Variants in SHPRH observed in about 807,000 individuals in gnomAD.
SHPRH encodes E3 ubiquitin-protein ligase SHPRH.
SHPRH carries 106 observed loss-of-function variants against 202.5 expected under a neutral mutation model. The ratio of observed to expected loss-of-function variants is 0.52; its 90% CI spans 0.45 to 0.62. SHPRH has a LOEUF of 0.62. Among genes scored for constraint, SHPRH ranks in the 20% least tolerant of loss-of-function variants. SHPRH has a pLI of 0.00. For missense variants in SHPRH, 1,710 were observed against 2,020.0 expected (o/e 0.85, Z 2.94); for synonymous variants, 729 against 686.0 (o/e 1.06, Z -0.98).
chr6:145,932,420 C>T (rs1346065931), intron 14 of SHPRH, among the ~76,000 whole-genome samples: 1 of 152,168 alleles, frequency 6.6e-6, no homozygotes, highest in African/African-American at 2.4e-5. Flanking sequence ...GCCACTAATA[C>T]TCTTCCATGT....
intron 19 of SHPRH, 37 bp from the exon 20 acceptor site, chr6:145,922,385 A>G: frequency 6.5e-7 from 1 of 1,540,926 alleles, no homozygotes; most frequent in Non-Finnish European, 8.7e-7. Flanking sequence ...ATTCACAAAC[A>G]TAACCAGCAA....
intron 26 of SHPRH, 146 bp from the exon 27 acceptor site, chr6:145,894,382 C>A: frequency 4.3e-6 from 2 of 468,966 alleles, no homozygotes; most frequent in Non-Finnish European, 7.3e-6. Context: ...TAGTACCATC[C>A]ATATTATTTA....
In SHPRH at chr6:145,948,260, A is replaced by G. The variant is rs1787601626; in HGVS notation, c.1061+12T>C. Reference sequence around the variant, plus strand: ...TTTTTAAATCAAGCATATAAGTAAAATTTTGCCTTACCAGCCTGTATATGG... The same window carrying G: ...TTTTTAAATCAAGCATATAAGTAAAGTTTTGCCTTACCAGCCTGTATATGG... On this transcript the variant is annotated intron_variant, in intron 5 of 29. Coordinates refer to ENST00000275233, the MANE Select transcript of SHPRH (RefSeq NM_001042683.3). The G allele has an allele frequency of 6.4e-7, 1 of 1,554,694 alleles. No individual in the cohort carries two copies. The highest frequency in any genetic ancestry group is 8.7e-7 in the Non-Finnish European group (1 of 1,152,350).
rs1469706382 is a variant in SHPRH at position 145,945,497 on chromosome 6, T to G, written c.1462A>C (p.Lys488Gln). The change falls in exon 8 of 30, where the codon AAA becomes CAA. Residue 488 changes from lysine (K) to glutamine (Q), a missense_variant. Physicochemically the swap from Lys to Gln is moderately conservative, Grantham distance 53 (BLOSUM62 1). Coordinates refer to ENST00000275233, the MANE Select transcript of SHPRH (RefSeq NM_001042683.3). Reference sequence around the variant, plus strand: ...ACGAGACCTTCAAAAATTAAACATTTCAGCATCCGTTTCAAAAGACTCCTG... The same window carrying G: ...ACGAGACCTTCAAAAATTAAACATTGCAGCATCCGTTTCAAAAGACTCCTG... ...RNRSLLKRML[K>Q]CLIFEGLVKQ... is the part of the protein sequence containing the mutation. The G allele has an allele frequency of 3.1e-6, 5 of 1,613,228 alleles. No homozygotes were observed.
chr6:145,958,209 T>C (rs1788702330), intron 1 of SHPRH, among the ~76,000 whole-genome samples: 2 of 152,122 alleles, frequency 1.3e-5, no homozygotes, highest in African/African-American at 2.4e-5. Context: ...GGCTTTGGGG[T>C]GACATAAATG....
chr6:145,916,200 A>T (rs1219525776), intron 23 of SHPRH, among the ~76,000 whole-genome samples: 1 of 152,076 alleles, frequency 6.6e-6, no homozygotes, highest in Non-Finnish European at 1.5e-5. Flanking sequence ...TATAGATTCC[A>T]GTTCATCTTA....
chr6:145,878,198 C>T (rs976936474), intron 2 of SHPRH, among the ~76,000 whole-genome samples: 5 of 152,304 alleles, frequency 3.3e-5, no homozygotes, highest in Non-Finnish European at 5.9e-5. Context: ...GCAGAAAGTA[C>T]ACAGAGTTCT....
In SHPRH at chr6:145,922,014, A is replaced by C. The variant is rs982090857; in HGVS notation, c.3782+272T>G. On this transcript the variant is annotated intron_variant, in intron 20 of 29. Transcript: ENST00000275233. ...AGCAAAATCTGTATAATTCAAATCC[A>C]CTGGATTCTAGAGTCTGGGATTTTA... Among the ~76,000 whole-genome samples, 4 of 152,158 alleles carry C rather than the reference A, an allele frequency of 2.6e-5. No individual in the cohort carries two copies. The South Asian group carries it at 8.3e-4, about 32-fold the overall frequency.
At chr6:145,939,644 C>A (rs1002684631) in intron 11 of SHPRH, among the ~76,000 whole-genome samples, 8 of 152,158 alleles carry the variant, frequency 5.3e-5, no homozygotes, top group African/African-American at 1.9e-4. Flanking sequence ...TAAACATTTA[C>A]AATTTCGACA....
intron 20 of SHPRH, among the ~76,000 whole-genome samples, chr6:145,922,081 C>T (rs1041215817): frequency 2.0e-5 from 3 of 151,958 alleles, no homozygotes; most frequent in African/African-American, 7.2e-5. Flanking sequence ...TATATTACTA[C>T]ACTATGAACA....
chr6:145,912,460 T>A (rs1251156316), intron 24 of SHPRH, among the ~76,000 whole-genome samples: 1 of 152,094 alleles, frequency 6.6e-6, no homozygotes, highest in Non-Finnish European at 1.5e-5. Flanking sequence ...TCTGAGACAG[T>A]CCAGTTGTAT....
At chr6:145,938,031 C>G (rs186326567) in intron 11 of SHPRH, among the ~76,000 whole-genome samples, 1 of 152,242 alleles carries the variant, frequency 6.6e-6, no homozygotes, top group African/African-American at 2.4e-5. Context: ...GCTGTAAGCT[C>G]AATAGATAAG....
chr6:145,875,268 G>A (rs1046161157), intron 2 of SHPRH, among the ~76,000 whole-genome samples: 1 of 152,194 alleles, frequency 6.6e-6, no homozygotes, highest in African/African-American at 2.4e-5. Context: ...GTCAAAGCTT[G>A]GGGGTGGAGT....
At chr6:145,945,694 A>T (rs1430482993) in intron 7 of SHPRH, 57 bp from the exon 8 acceptor site, 2 of 1,495,470 alleles carry the variant, frequency 1.3e-6, no homozygotes, top group African/African-American at 2.8e-5. Flanking sequence ...AAAGAAAGTA[A>T]AACTTGGTTA....
chr6:145,870,259 A>AT lies in SHPRH; in HGVS notation c.222-5769dup, dbSNP rs146513776. Reference sequence around the variant, plus strand: ...AGGGTTTTTTTGTCAATCGTTTCAGATTTTTTTTTTTTTTTTTTTTGAGAT... The same window carrying AT: ...AGGGTTTTTTTGTCAATCGTTTCAGATTTTTTTTTTTTTTTTTTTTTGAGAT... On this transcript the variant is annotated intron_variant, in intron 2 of 2. Coordinates refer to the SHPRH transcript ENST00000417762. 8.5e-3 allele frequency among the ~76,000 whole-genome samples: 921 copies of AT among 107,726 alleles called. 12 individuals are homozygous for AT. The highest frequency in any genetic ancestry group is 0.023 in the East Asian group (84 of 3,690). The allele number at this position is 107,726 out of a possible 152,430, so 70.7% of individuals were successfully genotyped here.
At chr6:145,920,836 G>C (rs1338455262) in intron 21 of SHPRH, among the ~76,000 whole-genome samples, 2 of 151,962 alleles carry the variant, frequency 1.3e-5, no homozygotes, top group Non-Finnish European at 2.9e-5. Flanking sequence ...GTTATTCACA[G>C]AACAAAAACA....
chr6:145,867,599 AATATATATAT>A (rs374395571), intron 2 of SHPRH, among the ~76,000 whole-genome samples: 49 of 21,594 alleles, frequency 2.3e-3, no homozygotes, highest in Non-Finnish European at 3.2e-3. Flanking sequence ...TTCAAAAAAG[AATATATATAT>A]ATATATATAT....
chr6:145,950,915 A>G (rs774231474), intron 3 of SHPRH, among the ~76,000 whole-genome samples: 1 of 152,140 alleles, frequency 6.6e-6, no homozygotes, highest in Admixed American at 6.6e-5. Context: ...GAGGAACTCA[A>G]TGTGAATACT....
intron 24 of SHPRH, among the ~76,000 whole-genome samples, chr6:145,912,875 T>C (rs146710885): frequency 1.3e-5 from 2 of 152,064 alleles, no homozygotes; most frequent in Non-Finnish European, 2.9e-5. Flanking sequence ...AGATTTATCA[T>C]AGAAAGCAGA....
Sources: allele counts gnomAD v4.1 joint callset (sites outside exome capture counted in the v4.1 genomes callset), GRCh38; gene constraint gnomAD v4.1.1; transcripts MANE v1.5; gene names NCBI Gene and HGNC (gene_info 2026-07-23, HGNC 2026-07-21).